Variants in PLCE1 observed in about 807,000 individuals in gnomAD.
PLCE1 encodes 1-phosphatidylinositol 4,5-bisphosphate phosphodiesterase epsilon-1.
In PLCE1, 119 loss-of-function variants were observed where a neutral mutation model predicts 242.8. The observed-to-expected ratio is 0.49, with a 90% confidence interval of 0.42 to 0.57. The LOEUF (loss-of-function observed/expected upper bound fraction) is 0.57. Ranked by LOEUF, PLCE1 falls within the 20% of genes least tolerant of loss-of-function variation. The probability of loss-of-function intolerance (pLI) is 0.00; values close to 1 mark genes in which losing one functional copy is unlikely to be tolerated. For missense variants in PLCE1, 2,441 were observed against 2,788.8 expected (o/e 0.88, Z 2.81); for synonymous variants, 945 against 1,017.4 (o/e 0.93, Z 1.35).
chr10:94,285,490 G>A (rs972146633), intron 22 of PLCE1, among the ~76,000 whole-genome samples: 1 of 152,204 alleles, frequency 6.6e-6, no homozygotes, highest in Non-Finnish European at 1.5e-5. Context: ...ACAGGTTTCA[G>A]GTATAGCTTA....
chr10:94,222,358 C>T (rs972106909), intron 4 of PLCE1, among the ~76,000 whole-genome samples: 1 of 152,166 alleles, frequency 6.6e-6, no homozygotes, highest in African/African-American at 2.4e-5. Flanking sequence ...TTCATTCATT[C>T]ATTCATATGT....
At chr10:94,190,165 A>G (rs1352793120) in intron 4 of PLCE1, among the ~76,000 whole-genome samples, 1 of 152,192 alleles carries the variant, frequency 6.6e-6, no homozygotes, top group East Asian at 1.9e-4. Flanking sequence ...CTGTGATCCC[A>G]GCTACTCAGG....
chr10:94,228,232 AGTAACT>A (rs61404496), intron 5 of PLCE1, among the ~76,000 whole-genome samples: 58,296 of 151,688 alleles, frequency 0.38, 11,428 homozygotes, highest in East Asian at 0.62. Context: ...CCTGGCATAA[AGTAACT>A]GTTCTTACTC....
chr10:94,287,692 T>C (rs575785873), intron 22 of PLCE1, among the ~76,000 whole-genome samples: 5 of 152,082 alleles, frequency 3.3e-5, no homozygotes, highest in Non-Finnish European at 7.4e-5. Flanking sequence ...CGGTTGCATT[T>C]AGTACTTCTA....
In PLCE1 at chr10:94,024,915, T is replaced by C. The variant is rs537918599; in HGVS notation, c.-364-5768T>C. Among the ~76,000 whole-genome samples, 480 of 152,248 alleles carry C rather than the reference T, an allele frequency of 3.2e-3. 2 individuals carry two copies. Among genetic ancestry groups the C allele is most frequent in the African/African-American group, 0.011 (462 of 41,556 alleles). ...CTTATTCCTAAAATAGGTATGATAA[T>C]AATACTACCCCCACCTTTTTAGTTT... is the stretch of plus-strand genomic sequence containing the variant. On this transcript the variant is annotated intron_variant, in intron 1 of 32. Transcript: ENST00000371380.
intron 24 of PLCE1, among the ~76,000 whole-genome samples, chr10:94,299,336 A>G (rs1564875243): frequency 6.6e-6 from 1 of 152,172 alleles, no homozygotes; most frequent in Non-Finnish European, 1.5e-5. Flanking sequence ...AATATTCACA[A>G]CAGCCCTAAA....
At chr10:94,020,401 C>A (rs1192414996) in intron 1 of PLCE1, among the ~76,000 whole-genome samples, 1 of 152,042 alleles carries the variant, frequency 6.6e-6, no homozygotes, top group Admixed American at 6.5e-5. Flanking sequence ...AGATGTAAAT[C>A]CCTTGTTAGA....
rs2061561622 is a variant in PLCE1, at chr10:94,031,732, A to G, written c.686A>G (p.Asn229Ser). 6.2e-7 allele frequency: 1 copy of G among 1,613,814 alleles called. No individual in the cohort carries two copies. The highest frequency in any genetic ancestry group is 8.5e-7 in the Non-Finnish European group (1 of 1,179,874). ...LPGGEEKQKKNYVAYTCKLME... is the reference protein window; with the variant it reads ...LPGGEEKQKKSYVAYTCKLME... ...GGGGGTGAGGAGAAGCAAAAGAAAA[A>G]CTATGTGGCATATACCTGTAAACTG... Residue 229 changes from asparagine (N) to serine (S), a missense_variant, in exon 2 of 33, where the codon AAC becomes AGC. By Grantham distance (46) the Asn-to-Ser change is conservative (BLOSUM62 1). This residue lies in a region of PLCE1 where 393 missense variants were observed against 378.5 expected (regional missense o/e 1.04). Transcript: ENST00000371380.
At chr10:94,269,094 CTTTTTTT>C (rs71031565) in intron 17 of PLCE1, 58 bp downstream of exon 17, 29 of 313,288 alleles carry the variant, frequency 9.3e-5, no homozygotes, top group Middle Eastern at 1.2e-3. Context: ...CTTCATTTGT[CTTTTTTT>C]TTTTTTTTTT....
chr10:94,160,454 T>G (rs924885893), intron 3 of PLCE1, among the ~76,000 whole-genome samples: 95 of 152,330 alleles, frequency 6.2e-4, no homozygotes, highest in African/African-American at 2.3e-3. Context: ...TTGCCCACTT[T>G]TTGATGGGGT....
intron 2 of PLCE1, among the ~76,000 whole-genome samples, chr10:94,113,699 G>A (rs918374875): frequency 6.6e-6 from 1 of 152,210 alleles, no homozygotes; most frequent in East Asian, 1.9e-4. Context: ...CATTAAGACT[G>A]CCTTAAAGAG....
intron 3 of PLCE1, among the ~76,000 whole-genome samples, chr10:94,145,057 G>C (rs373269890): frequency 3.9e-5 from 6 of 152,184 alleles, no homozygotes; most frequent in East Asian, 1.9e-4. Context: ...CATTTCAAAA[G>C]GATGATTCTC....
intron 2 of PLCE1, among the ~76,000 whole-genome samples, chr10:94,067,500 C>T (rs762400828): frequency 6.6e-6 from 1 of 152,130 alleles, no homozygotes; most frequent in Non-Finnish European, 1.5e-5. Flanking sequence ...TTAAATAAGT[C>T]AGGTTCAAGG....
intron 32 of PLCE1, 69 bp from the exon 33 acceptor site, chr10:94,327,899 G>A (rs949626869): frequency 2.5e-5 from 12 of 479,704 alleles, no homozygotes; most frequent in Non-Finnish European, 4.7e-5. Context: ...CTGAACCCTT[G>A]GTATACCGCA....
In PLCE1 at chr10:93,994,084, C is replaced by T. The variant is rs1344186589; in HGVS notation, c.-539C>T. Among the ~76,000 whole-genome samples, 1 of 139,196 alleles carries T rather than the reference C, an allele frequency of 7.2e-6. No homozygotes were observed. The highest frequency in any genetic ancestry group is 2.5e-5 in the African/African-American group (1 of 39,640). The allele number at this position is 139,196 out of a possible 152,430, so 91.3% of individuals were successfully genotyped here. Reference sequence around the variant, plus strand: ...GGCTCTACCTCCCGGGCTCTGCCTCCCGGGCTCTGCCTCTCGGGCACTTGC... The same window carrying T: ...GGCTCTACCTCCCGGGCTCTGCCTCTCGGGCTCTGCCTCTCGGGCACTTGC... On this transcript the variant is annotated 5_prime_UTR_variant, in exon 1 of 33. Transcript: ENST00000371380.
chr10:94,235,183 A>G (rs1327062253), intron 6 of PLCE1, among the ~76,000 whole-genome samples: 1 of 152,060 alleles, frequency 6.6e-6, no homozygotes, highest in East Asian at 1.9e-4. Flanking sequence ...GAGCAAAGGC[A>G]TCACCTGATA....
At position 94,246,526 on chromosome 10, in the gene PLCE1, G is replaced by A. The variant is rs376113551; in HGVS notation, c.3001G>A (p.Gly1001Arg). The A allele has an allele frequency of 6.8e-6, 11 of 1,613,964 alleles. No individual in the cohort carries two copies. Among genetic ancestry groups the A allele is most frequent in the Admixed American group, 1.7e-5 (1 of 60,004 alleles). Residue 1001 changes from glycine (G) to arginine (R), a missense_variant, in exon 8 of 33, where the codon GGA becomes AGA. Physicochemically the swap from Gly to Arg is moderately radical, Grantham distance 125. This residue lies in a region of PLCE1 where 1,004 missense variants were observed against 1,322.7 expected (regional missense o/e 0.76). Coordinates refer to ENST00000371380, the MANE Select transcript of PLCE1 (RefSeq NM_016341.4). ...GCACACAGCTAAAATGCTCTTCAGC[G>A]GATTATTGGAACTCACTAGAGCTGT... ...PKHTAKMLFSGLLELTRAVRK... is the reference protein window; with the variant it reads ...PKHTAKMLFSRLLELTRAVRK...
rs922693156 is a variant in PLCE1, at chr10:94,329,802, A to C, written c.*1859A>C. 8 of 147,588 alleles carry C rather than the reference A, an allele frequency of 5.4e-5. No individual in the cohort carries two copies. Among genetic ancestry groups the C allele is most frequent in the East Asian group, 2.1e-4 (1 of 4,860 alleles). The allele number at this position is 147,588 out of a possible 1,614,324, so 9.1% of individuals were successfully genotyped here. On this transcript the variant is annotated 3_prime_UTR_variant, in exon 33 of 33. Coordinates refer to ENST00000371380, the MANE Select transcript of PLCE1 (RefSeq NM_016341.4). ...AAAAAAAAAAAAAAAAAAAAAAAAAAAAAAAAAAACACCATACAGCTTTCA... is the reference window on the plus strand; with the variant it reads ...AAAAAAAAAAAAAAAAAAAAAAAAACAAAAAAAAACACCATACAGCTTTCA...
At chr10:94,239,414 C>T (rs983163122) in intron 7 of PLCE1, among the ~76,000 whole-genome samples, 6 of 152,220 alleles carry the variant, frequency 3.9e-5, no homozygotes, top group Non-Finnish European at 1.5e-5. Context: ...GAAGAGGATG[C>T]AGCAAGGCTT....
Sources: allele counts gnomAD v4.1 joint callset (sites outside exome capture counted in the v4.1 genomes callset), GRCh38; gene constraint gnomAD v4.1.1; regional missense constraint gnomAD v4.1.1; transcripts MANE v1.5; gene names NCBI Gene and HGNC (gene_info 2026-07-23, HGNC 2026-07-21).